The following USP48 variants were observed in gnomAD, a reference collection of about 807,000 sequenced individuals.
USP48 encodes ubiquitin carboxyl-terminal hydrolase 48.
USP48 carries 43 observed loss-of-function variants against 150.7 expected under a neutral mutation model. The ratio of observed to expected loss-of-function variants is 0.29; its 90% CI spans 0.22 to 0.37. The LOEUF is 0.37. Among genes scored for constraint, USP48 ranks in the 10% least tolerant of loss-of-function variants. USP48 has a pLI of 1.00. For missense variants in USP48, 813 were observed against 1,249.6 expected (o/e 0.65, Z 5.27); for synonymous variants, 396 against 425.9 (o/e 0.93, Z 0.86).
At chr1:21,707,830 G>A (rs1299353820) in intron 15 of USP48, among the ~76,000 whole-genome samples, 1 of 152,180 alleles carries the variant, frequency 6.6e-6, no homozygotes, top group African/African-American at 2.4e-5. Context: ...AATATAACCA[G>A]GCAGAGTACA....
intron 1 of USP48, among the ~76,000 whole-genome samples, chr1:21,758,595 C>T (rs531930150): frequency 6.6e-6 from 1 of 152,012 alleles, no homozygotes; most frequent in South Asian, 2.1e-4. Context: ...ACTAAAAATA[C>T]AAAAATTAGC....
chr1:21,752,891 T>A, intron 4 of USP48, 101 bp downstream of exon 4: 1 of 1,418,072 alleles, frequency 7.1e-7, no homozygotes, highest in Non-Finnish European at 9.3e-7. Flanking sequence ...AGAAAAAATT[T>A]AATTTTTAAA....
intron 22 of USP48, among the ~76,000 whole-genome samples, chr1:21,695,731 A>C (rs1423161800): frequency 6.6e-6 from 1 of 152,206 alleles, no homozygotes; most frequent in Admixed American, 6.5e-5. Flanking sequence ...ACCTTACATC[A>C]GAAAAACATA....
chr1:21,679,518 A>G (rs1038002597), intron 26 of USP48, 79 bp from the exon 27 acceptor site: 5 of 1,540,960 alleles, frequency 3.2e-6, no homozygotes, highest in Non-Finnish European at 4.5e-6. Flanking sequence ...CCAAGAACAC[A>G]TCATCAACAG....
At chr1:21,769,690 C>T (rs576628838) in intron 1 of USP48, among the ~76,000 whole-genome samples, 3 of 152,230 alleles carry the variant, frequency 2.0e-5, no homozygotes, top group South Asian at 4.1e-4. Flanking sequence ...GGATTAAAGG[C>T]GTAAGCCACT....
chr1:21,716,235 T>C (rs1236418434), intron 14 of USP48, among the ~76,000 whole-genome samples: 1 of 152,186 alleles, frequency 6.6e-6, no homozygotes, highest in East Asian at 1.9e-4. Context: ...CTTTTTGACA[T>C]ACCTGAATTG....
At chr1:21,724,148 A>G (rs1450374170) in intron 11 of USP48, 53 bp from the exon 12 acceptor site, 1 of 1,552,842 alleles carries the variant, frequency 6.4e-7, no homozygotes, top group South Asian at 1.1e-5. Context: ...TTTTTTGACT[A>G]AGTGATACAT....
At chr1:21,719,157 G>A (rs1420688026) in intron 14 of USP48, among the ~76,000 whole-genome samples, 1 of 148,552 alleles carries the variant, frequency 6.7e-6, no homozygotes, top group Non-Finnish European at 1.5e-5. Context: ...CAGCTACTTG[G>A]GAGGCTGAGG....
intron 8 of USP48, among the ~76,000 whole-genome samples, chr1:21,742,928 T>C (rs1393557352): frequency 1.3e-5 from 2 of 152,156 alleles, no homozygotes; most frequent in African/African-American, 2.4e-5. Context: ...CCAGCTCGGG[T>C]AGAGAGATCA....
chr1:21,771,240 G>A (rs906269289), intron 1 of USP48, among the ~76,000 whole-genome samples: 1 of 151,772 alleles, frequency 6.6e-6, no homozygotes, highest in Non-Finnish European at 1.5e-5. Context: ...CGGGAGTGGT[G>A]GTGCACACCT....
Position 21,781,076 on chromosome 1 carries a change from T to G in USP48, c.134+1748A>C, listed in dbSNP as rs575434704. Among the ~76,000 whole-genome samples, 9 of 150,940 alleles carry G rather than the reference T, an allele frequency of 6.0e-5. No homozygotes were observed. In the South Asian group the frequency reaches 1.9e-3, roughly 31 times the overall value. On this transcript the variant is annotated intron_variant, in intron 1 of 26. Transcript: ENST00000308271. ...CTTTTAAAATTTTTATTTTAAAAATTTATTTTTTTAAATTTATCCAGCGTC... is the reference window on the plus strand; with the variant it reads ...CTTTTAAAATTTTTATTTTAAAAATGTATTTTTTTAAATTTATCCAGCGTC...
intron 8 of USP48, among the ~76,000 whole-genome samples, chr1:21,739,968 A>G (rs1284495792): frequency 1.3e-5 from 2 of 152,214 alleles, no homozygotes; most frequent in African/African-American, 4.8e-5. Context: ...CTGGAGCGCA[A>G]TGGCGCTGTC....
chr1:21,690,400 AGT>A (rs888103568), intron 23 of USP48, among the ~76,000 whole-genome samples: 77 of 152,308 alleles, frequency 5.1e-4, no homozygotes, highest in African/African-American at 1.9e-3. Flanking sequence ...ATGAATAAAA[AGT>A]GGGGCTGGGC....
intron 11 of USP48, among the ~76,000 whole-genome samples, chr1:21,725,493 T>G (rs895457856): frequency 6.6e-6 from 1 of 152,196 alleles, no homozygotes; most frequent in African/African-American, 2.4e-5. Context: ...GGCTCACGCC[T>G]GTAATCCTAG....
intron 22 of USP48, among the ~76,000 whole-genome samples, chr1:21,700,741 C>A (rs185726454): frequency 6.6e-6 from 1 of 151,766 alleles, no homozygotes; most frequent in East Asian, 1.9e-4. Flanking sequence ...CTTATCTCCA[C>A]CTACATCAAC....
intron 5 of USP48, 50 bp from the exon 6 acceptor site, chr1:21,751,665 A>C: frequency 7.2e-7 from 1 of 1,392,896 alleles, no homozygotes; most frequent in Non-Finnish European, 1.0e-6. Context: ...GAAAAGCAAC[A>C]AAGTTATATT....
At chr1:21,723,128 G>A (rs1040496886) in intron 12 of USP48, among the ~76,000 whole-genome samples, 1 of 152,116 alleles carries the variant, frequency 6.6e-6, no homozygotes, top group African/African-American at 2.4e-5. Context: ...CTATGGTTGG[G>A]TACTATGTGG....
intron 19 of USP48, 140 bp downstream of exon 19, chr1:21,705,587 G>GA (rs200944312): frequency 1.8e-3 from 1,031 of 583,980 alleles, no homozygotes; most frequent in South Asian, 2.4e-3. Context: ...TTTAAAAGGG[G>GA]AAAAAAAAAC....
chr1:21,700,008 A>G (rs2097650605), intron 22 of USP48, among the ~76,000 whole-genome samples: 1 of 147,196 alleles, frequency 6.8e-6, no homozygotes, highest in Non-Finnish European at 1.5e-5. Flanking sequence ...GTGGAGACAT[A>G]TTAGTAGAGT....
Sources: gnomAD v4.1 joint callset for allele counts (sites outside exome capture counted in the v4.1 genomes callset) on GRCh38, gnomAD v4.1.1 for gene constraint, MANE v1.5 for transcripts, NCBI Gene and HGNC (gene_info 2026-07-23, HGNC 2026-07-21) for gene names.